LCT: variants seen among roughly 807,000 people sequenced by gnomAD.
LCT encodes lactase/phlorizin hydrolase.
In LCT, 90 loss-of-function variants were observed where a neutral mutation model predicts 173.0. The observed-to-expected ratio is 0.52, with a 90% confidence interval of 0.44 to 0.62. The LOEUF is 0.62. Ranked by LOEUF, LCT falls within the 20% of genes least tolerant of loss-of-function variation. The pLI, the probability that LCT is intolerant of heterozygous loss-of-function variation, is 0.00. For missense variants in LCT, 1,864 were observed against 2,431.4 expected, an observed-to-expected ratio of 0.77 and a Z score of 4.91; for synonymous variants, 853 against 957.6, an observed-to-expected ratio of 0.89 and a Z score of 2.02.
intron 12 of LCT, 124 bp downstream of exon 12, chr2:135,800,482 TC>T (rs2077616382): frequency 1.2e-6 from 1 of 835,584 alleles, no homozygotes; most frequent in Non-Finnish European, 2.0e-6. Flanking sequence ...GCCTCAGACT[TC>T]CAAAGTGCTG....
At position 135,809,354 on chromosome 2, in the gene LCT, T is replaced by C. The variant is rs972171092; in HGVS notation, c.2993A>G (p.Asp998Gly). Residue 998 changes from aspartate to glycine, a missense_variant, in exon 8 of 17, where the codon GAT becomes GGT. Physicochemically the swap from Asp to Gly is moderately conservative, Grantham distance 94. Coordinates refer to ENST00000264162, the MANE Select transcript of LCT (RefSeq NM_002299.4). This position sits in a 1 kb window ranked among gnomAD's most constrained non-coding sequence, Gnocchi z 5.5. ...RNSSINSHGV[D>G]YYNRLINGLV... ...GCCATTGATCAGCCTGTTGTAATAA[T>C]CAACCCCATGACTGTTGATAGAGCT... is the stretch of plus-strand genomic sequence containing the variant. The C allele has an allele frequency of 1.4e-5, 23 of 1,614,090 alleles. No individual in the cohort carries two copies. Among genetic ancestry groups the C allele is most frequent in the Non-Finnish European group, 1.8e-5 (21 of 1,180,062 alleles).
At chr2:135,789,873 G>C in intron 15 of LCT, 75 bp from the exon 16 acceptor site, 1 of 1,196,490 alleles carries the variant, frequency 8.4e-7, no homozygotes. Context: ...TCGGAAGCCA[G>C]GTCTGCCTAC....
chr2:135,811,010 G>C (rs1007661386), intron 7 of LCT, among the ~76,000 whole-genome samples: 26 of 151,018 alleles, frequency 1.7e-4, no homozygotes, highest in Middle Eastern at 3.4e-3. Context: ...CTCGGCGACA[G>C]AGCCAGACTC....
chr2:135,799,964 T>C (rs1657324109), intron 12 of LCT, among the ~76,000 whole-genome samples: 1 of 152,200 alleles, frequency 6.6e-6, no homozygotes, highest in African/African-American at 2.4e-5. Context: ...TTAGCTACTA[T>C]AGTCAAACCA....
chr2:135,793,300 T>C (rs576431175), intron 14 of LCT, among the ~76,000 whole-genome samples: 1,719 of 152,292 alleles, frequency 0.011, 20 homozygotes, highest in South Asian at 0.041. Context: ...CACAGGACTC[T>C]TTGCAGACAT....
chr2:135,831,933 A>T (rs1013686540), intron 2 of LCT, among the ~76,000 whole-genome samples: 1 of 152,174 alleles, frequency 6.6e-6, no homozygotes, highest in Admixed American at 6.5e-5. Flanking sequence ...AATTATAGTT[A>T]AAGGCTGGCG....
rs55900419 is a variant in LCT, at chr2:135,835,482, GTATATATATATATATATATATA to G, written c.640+1026_640+1047del. ...TAAAATGAAAAAGTAGAACATAGAA[GTATATATATATATATATATATA>G]TATATATATATATATATATATATAT... On this transcript the variant is annotated intron_variant, in intron 1 of 16. Transcript: ENST00000264162. 4.3e-3 allele frequency among the ~76,000 whole-genome samples: 291 copies of G among 67,972 alleles called. 5 individuals carry two copies. The highest frequency in any genetic ancestry group is 7.3e-3 in the South Asian group (16 of 2,180). 44.6% of individuals were successfully genotyped at this position (67,972 alleles called of 152,430 possible).
At chr2:135,818,996 T>C (rs1196097045) in intron 5 of LCT, among the ~76,000 whole-genome samples, 1 of 152,146 alleles carries the variant, frequency 6.6e-6, no homozygotes, top group Non-Finnish European at 1.5e-5. Flanking sequence ...TGGCAGGAGC[T>C]CAAGCATCCA....
At chr2:135,791,866 T>C (rs947310853) in intron 14 of LCT, among the ~76,000 whole-genome samples, 1 of 152,200 alleles carries the variant, frequency 6.6e-6, no homozygotes, top group African/African-American at 2.4e-5. Flanking sequence ...AAATGAGATT[T>C]TCTGAAAATG....
At chr2:135,829,428 G>A (rs928257576) in intron 3 of LCT, among the ~76,000 whole-genome samples, 165 bp downstream of exon 3, 1 of 152,080 alleles carries the variant, frequency 6.6e-6, no homozygotes, top group Non-Finnish European at 1.5e-5. Flanking sequence ...AACATCCGAT[G>A]TTCTCTAGGG....
rs115690016 is a variant in LCT at position 135,809,633 on chromosome 2, T to C, written c.2714A>G (p.Asp905Gly). 2.9e-3 allele frequency: 4,651 copies of C among 1,614,180 alleles called. 116 individuals are homozygous for C. In the African/African-American group the frequency reaches 0.056, roughly 19 times the overall value. Residue 905 changes from aspartate to glycine, a missense_variant, in exon 8 of 17, where the codon GAT (aspartate) becomes GGT (glycine). Asp to Gly is a moderately conservative substitution (Grantham distance 94). Transcript: ENST00000264162. The surrounding 1 kb of genome is among the most constrained non-coding windows in gnomAD (Gnocchi z 5.5). ...AGAGGACACGCCCCACAGAAAGTCA[T>C]CCCGAAACGTCCCGTGGTAGAACAA... ...RDLFYHGTFR[D>G]DFLWGVSSSA...
intron 2 of LCT, among the ~76,000 whole-genome samples, chr2:135,831,807 G>T (rs1457302790): frequency 6.6e-6 from 1 of 152,174 alleles, no homozygotes; most frequent in Non-Finnish European, 1.5e-5. Context: ...CAGCACCAGG[G>T]CGATGCTGCA....
chr2:135,804,669 T>C, intron 10 of LCT, 98 bp downstream of exon 10: 2 of 1,210,818 alleles, frequency 1.7e-6, no homozygotes, highest in Non-Finnish European at 2.4e-6. Context: ...AAAGCTAAAT[T>C]TGAAACCAGC....
chr2:135,799,749 C>T (rs2322660), intron 12 of LCT, among the ~76,000 whole-genome samples: 79,646 of 152,084 alleles, frequency 0.52, 24,515 homozygotes, highest in Non-Finnish European at 0.71. Flanking sequence ...CTTGCCCAGT[C>T]GGCTTCCTAG....
At chr2:135,811,906 ACCCC>A (rs1290020239) in intron 7 of LCT, among the ~76,000 whole-genome samples, 1 of 149,460 alleles carries the variant, frequency 6.7e-6, no homozygotes, top group Non-Finnish European at 1.5e-5. Flanking sequence ...ATGTGAAGAG[ACCCC>A]ATGTCTAAAA....
At chr2:135,815,599 T>C (rs2077773590) in intron 6 of LCT, among the ~76,000 whole-genome samples, 2 of 152,178 alleles carry the variant, frequency 1.3e-5, no homozygotes, top group Non-Finnish European at 2.9e-5. Flanking sequence ...CGTGTGTTAG[T>C]GTCATCTTCC....
intron 1 of LCT, among the ~76,000 whole-genome samples, chr2:135,835,779 T>G (rs2077984710): frequency 6.7e-6 from 1 of 149,490 alleles, no homozygotes; most frequent in Non-Finnish European, 1.5e-5. Flanking sequence ...CATCTTGTAT[T>G]TGTCTGTCTC....
intron 4 of LCT, among the ~76,000 whole-genome samples, chr2:135,823,356 T>C (rs918273763): frequency 7.2e-5 from 11 of 152,334 alleles, no homozygotes; most frequent in African/African-American, 2.4e-4. Flanking sequence ...TCCTGATCCA[T>C]GGCCAACAAT....
chr2:135,787,986 C>T lies in LCT; in HGVS notation c.*338G>A, dbSNP rs1414539075. 6.1e-6 allele frequency: 2 copies of T among 328,822 alleles called. No homozygotes were observed. The highest frequency in any genetic ancestry group is 1.2e-5 in the Non-Finnish European group (2 of 172,994). The allele number at this position is 328,822 out of a possible 1,614,324, so 20.4% of individuals were successfully genotyped here. A position where few individuals can be genotyped will look rare whatever the true frequency, so the allele number is the denominator to read the frequency against. ...ATAGGAAGGATTTTTACGGTTTTTG[C>T]TCCCTTAACAACCCTTAACAACTCT... On this transcript the variant is annotated 3_prime_UTR_variant, in exon 17 of 17. Coordinates refer to ENST00000264162, the MANE Select transcript of LCT (RefSeq NM_002299.4).
Sources: allele counts gnomAD v4.1 joint callset (sites outside exome capture counted in the v4.1 genomes callset), GRCh38; gene constraint gnomAD v4.1.1; non-coding constraint Gnocchi (gnomAD v3.1); transcripts MANE v1.5; gene names NCBI Gene and HGNC (gene_info 2026-07-23, HGNC 2026-07-21).